PDIA6: variants seen among roughly 807,000 people sequenced by gnomAD.
PDIA6 encodes protein disulfide-isomerase A6.
A neutral mutation model predicts 58.4 loss-of-function variants in PDIA6; 29 were observed. The ratio of observed to expected loss-of-function variants is 0.50; its 90% CI spans 0.37 to 0.68. The LOEUF is 0.68. PDIA6 is among the 30% of genes least tolerant of loss of function. The probability of loss-of-function intolerance (pLI) is 0.00; values close to 1 mark genes in which losing one functional copy is unlikely to be tolerated. For synonymous variants in PDIA6, 192 were observed against 202.6 expected (o/e 0.95, Z 0.44); for missense variants, 480 against 551.0 (o/e 0.87, Z 1.29).
intron 1 of PDIA6, 27 bp from the exon 2 acceptor site, chr2:10,802,667 T>C: frequency 7.2e-7 from 1 of 1,392,772 alleles, no homozygotes; most frequent in Non-Finnish European, 9.4e-7. Context: ...AAGTGCACCA[T>C]TAACAGCACT....
At chr2:10,834,705 C>CCCTCCCTT (rs1286306198), upstream of PDIA6, among the ~76,000 whole-genome samples, 2 of 40,278 alleles carry the variant, frequency 5.0e-5, no homozygotes, top group Non-Finnish European at 1.2e-4. Context: ...TTCTCTCCCT[C>CCCTCCCTT]CCTCCCTCCC....
chr2:10,811,294 T>C (rs969622890), intron 1 of PDIA6, among the ~76,000 whole-genome samples: 1 of 151,918 alleles, frequency 6.6e-6, no homozygotes, highest in Admixed American at 6.6e-5. Flanking sequence ...TTTTGGGAGG[T>C]TGAGGAAGGA....
At chr2:10,796,769 A>G (rs1666284950) in intron 4 of PDIA6, among the ~76,000 whole-genome samples, 5 of 152,238 alleles carry the variant, frequency 3.3e-5, no homozygotes, top group Admixed American at 3.3e-4. Context: ...AGAGCAAGAA[A>G]ATACATGTAG....
At chr2:10,813,001 T>C (rs918678647), upstream of PDIA6, among the ~76,000 whole-genome samples, 1 of 151,948 alleles carries the variant, frequency 6.6e-6, no homozygotes, top group African/African-American at 2.4e-5. Context: ...GGGCTGGCAG[T>C]CTCGGCTCGC....
chr2:10,788,517 G>A (rs1251888635), intron 10 of PDIA6, among the ~76,000 whole-genome samples, 180 bp downstream of exon 10: 3 of 151,454 alleles, frequency 2.0e-5, no homozygotes, highest in Non-Finnish European at 4.4e-5. Context: ...TTAGCTGGGT[G>A]TGGTGGCGGG....
At chr2:10,829,157 G>C (rs1191633475) in intron 1 of PDIA6, among the ~76,000 whole-genome samples, 4 of 152,184 alleles carry the variant, frequency 2.6e-5, no homozygotes, top group Non-Finnish European at 5.9e-5. Context: ...CTGAGCTTTT[G>C]GAGAGGCTCT....
chr2:10,818,483 T>TTTTTAG, intron 2 of PDIA6, among the ~76,000 whole-genome samples: 1 of 39,552 alleles, frequency 2.5e-5, no homozygotes, highest in East Asian at 8.6e-4. Flanking sequence ...AACCATTTAA[T>TTTTTAG]TTATTTATTT....
upstream of PDIA6, chr2:10,832,487 A>C (rs1331783908): frequency 4.1e-6 from 4 of 978,738 alleles, no homozygotes; most frequent in African/African-American, 5.3e-5. Context: ...CCCTCGGTTG[A>C]GTAGTGACAG....
chr2:10,794,196 A>T (rs1396008605), intron 4 of PDIA6, among the ~76,000 whole-genome samples: 1 of 152,144 alleles, frequency 6.6e-6, no homozygotes, highest in Non-Finnish European at 1.5e-5. Context: ...CTGGGATCTC[A>T]GCACTTTGGG....
chr2:10,829,557 A>G (rs1314610253), intron 1 of PDIA6, among the ~76,000 whole-genome samples: 1 of 152,226 alleles, frequency 6.6e-6, no homozygotes, highest in Non-Finnish European at 1.5e-5. Flanking sequence ...GGTGGAGATT[A>G]GAAACAATTT....
At chr2:10,793,245 G>A (rs1297599684) in intron 4 of PDIA6, 43 bp from the exon 5 acceptor site, 2 of 1,373,026 alleles carry the variant, frequency 1.5e-6, no homozygotes, top group South Asian at 2.3e-5. Flanking sequence ...CCGGCCTTCA[G>A]CAAGTGCCTC....
At chr2:10,837,000 A>G (rs1186496307), upstream of PDIA6, among the ~76,000 whole-genome samples, 1 of 152,112 alleles carries the variant, frequency 6.6e-6, no homozygotes. Context: ...CATGATGGTT[A>G]ACAGTGATGA....
chr2:10,787,321 T>C lies in PDIA6; in HGVS notation c.1117A>G (p.Lys373Glu). 6.2e-7 allele frequency: 1 copy of C among 1,614,224 alleles called. No individual in the cohort carries two copies. The highest frequency in any genetic ancestry group is 8.5e-7 in the Non-Finnish European group (1 of 1,180,046). ...NARKMKFALL[K>E]GSFSEQGINE... ...ATGCCTTGCTCACTGAAGGAGCCTT[T>C]TAGCAGAGCAAATTTCATCTTGCGT... Residue 373 changes from lysine to glutamate, a missense_variant, in exon 11 of 13, where the codon AAA (lysine) becomes GAA (glutamate). By Grantham distance (56) the Lys-to-Glu change is moderately conservative. Coordinates refer to ENST00000272227, the MANE Select transcript of PDIA6 (RefSeq NM_005742.4).
rs1055861982 is a variant in PDIA6, at chr2:10,783,736, G to T, written c.*522C>A. The T allele has an allele frequency of 1.3e-5, 2 of 156,720 alleles. No individual in the cohort carries two copies. Among genetic ancestry groups the T allele is most frequent in the Non-Finnish European group, 2.8e-5 (2 of 70,916 alleles). The allele number at this position is 156,720 out of a possible 1,614,324, so 9.7% of individuals were successfully genotyped here. On this transcript the variant is annotated 3_prime_UTR_variant, in exon 13 of 13. Transcript: ENST00000272227. ...AGGTGGCACCATCTAAAGAAAAGAG[G>T]TCTTGTTTTTTGTTTAAAAAAGTTT...
chr2:10,833,339 C>G (rs1377400938), upstream of PDIA6, among the ~76,000 whole-genome samples: 1 of 152,198 alleles, frequency 6.6e-6, no homozygotes, highest in South Asian at 2.1e-4. Flanking sequence ...ATCATCCTTT[C>G]CCGTTTGGAA....
chr2:10,834,630 G>T (rs1408624876), upstream of PDIA6, among the ~76,000 whole-genome samples: 4 of 151,712 alleles, frequency 2.6e-5, no homozygotes, highest in African/African-American at 9.7e-5. Context: ...CTAAGAGGCA[G>T]GTCTCCTCCC....
At chr2:10,836,722 TG>T (rs1489363281), upstream of PDIA6, among the ~76,000 whole-genome samples, 1 of 152,138 alleles carries the variant, frequency 6.6e-6, no homozygotes, top group Non-Finnish European at 1.5e-5. Context: ...CGCTTACCCC[TG>T]GCAACCACTG....
chr2:10,806,374 A>G (rs1007831236), intron 1 of PDIA6, among the ~76,000 whole-genome samples: 11 of 151,826 alleles, frequency 7.2e-5, no homozygotes, highest in Middle Eastern at 3.4e-3. Flanking sequence ...TCTCAAAAAA[A>G]AAAAAAAAAG....
chr2:10,809,652 A>AC (rs1666915941), intron 1 of PDIA6, among the ~76,000 whole-genome samples: 2 of 132,092 alleles, frequency 1.5e-5, no homozygotes, highest in African/African-American at 3.8e-5. Flanking sequence ...TCTCAAAAAA[A>AC]AAAAAAAAAA....
Sources: allele counts gnomAD v4.1 joint callset (sites outside exome capture counted in the v4.1 genomes callset), GRCh38; gene constraint gnomAD v4.1.1; transcripts MANE v1.5; gene names NCBI Gene and HGNC (gene_info 2026-07-23, HGNC 2026-07-21).